The following SLA2 variants were observed in gnomAD, a reference collection of about 807,000 sequenced individuals.
SLA2 encodes the protein Src like adaptor 2.
In SLA2, 22 loss-of-function variants were observed where a neutral mutation model predicts 27.3. The observed-to-expected ratio is 0.81, with a 90% CI of 0.58 to 1.15. SLA2 has a LOEUF of 1.15. Ranked by LOEUF, SLA2 falls within the 50% of genes most tolerant of loss-of-function variation. The probability of loss-of-function intolerance (pLI) is 0.00; values close to 1 mark genes in which losing one functional copy is unlikely to be tolerated. For missense variants in SLA2, 304 were observed against 322.2 expected, an observed-to-expected ratio of 0.94 and a Z score of 0.43; for synonymous variants, 131 against 137.8, an observed-to-expected ratio of 0.95 and a Z score of 0.34.
At chr20:36,616,336 T>C (rs1199665140) in intron 5 of SLA2, among the ~76,000 whole-genome samples, 1 of 149,128 alleles carries the variant, frequency 6.7e-6, no homozygotes, top group African/African-American at 2.5e-5. Context: ...AATTTTCTTT[T>C]TTTTTTTTTT....
intron 1 of SLA2, among the ~76,000 whole-genome samples, 171 bp downstream of exon 1, chr20:36,645,665 TG>T (rs1568612859): frequency 6.6e-6 from 1 of 152,174 alleles, no homozygotes; most frequent in African/African-American, 2.4e-5. Context: ...TTGGTTCTTC[TG>T]GGACCCCCAG....
rs1004169262 is a variant in SLA2, at chr20:36,641,149, C to T, written c.91+96G>A. The T allele has an allele frequency of 5.8e-6, 6 of 1,031,322 alleles. No homozygotes were observed. In the African/African-American group the frequency reaches 7.9e-5, roughly 14 times the overall value. The allele number at this position is 1,031,322 out of a possible 1,614,324, so 63.9% of individuals were successfully genotyped here. A position where few individuals can be genotyped will look rare whatever the true frequency, so the allele number is the denominator to read the frequency against. On this transcript the variant is annotated intron_variant, in intron 2 of 7. Transcript: ENST00000262866. ...TGCAGCAGGCCCTCAGCGGTGCTTA[C>T]ACTGTGTTGGAGCTGCTGGCCAGGA... is the stretch of plus-strand genomic sequence containing the variant.
intron 5 of SLA2, among the ~76,000 whole-genome samples, chr20:36,619,610 TC>T (rs1431449475): frequency 6.6e-6 from 1 of 151,218 alleles, no homozygotes; most frequent in Non-Finnish European, 1.5e-5. Context: ...GAGACCCCCT[TC>T]CCATGTCTGT....
chr20:36,615,920 T>C (rs1188399003), intron 5 of SLA2, among the ~76,000 whole-genome samples: 1 of 152,164 alleles, frequency 6.6e-6, no homozygotes, highest in African/African-American at 2.4e-5. Context: ...CCGTTTGTGC[T>C]CAAGAGTAGA....
intron 5 of SLA2, among the ~76,000 whole-genome samples, chr20:36,629,065 A>ATTT (rs768278326): frequency 2.2e-5 from 3 of 137,820 alleles, no homozygotes; most frequent in East Asian, 2.1e-4. Context: ...AATTATGAGG[A>ATTT]TTTTTTTTTT....
chr20:36,637,944 A>C lies in SLA2; in HGVS notation c.91+3301T>G, dbSNP rs1422241139. 3.0e-5 allele frequency among the ~76,000 whole-genome samples: 4 copies of C among 135,022 alleles called. No homozygotes were observed. In the East Asian group the frequency reaches 8.6e-4, roughly 29 times the overall value. The allele number at this position is 135,022 out of a possible 152,430, so 88.6% of individuals were successfully genotyped here. On this transcript the variant is annotated intron_variant, in intron 2 of 7. Transcript: ENST00000262866. ...CACACTGTCGCCCGGGCTGGACTGC[A>C]ATGGCATGATCTTGGCTCACTGCAA...
Position 36,634,508 on chromosome 20 carries a change from G to A in SLA2, c.173C>T (p.Pro58Leu), listed in dbSNP as rs1456290863. 1.9e-6 allele frequency: 3 copies of A among 1,610,472 alleles called. No individual in the cohort carries two copies. Among genetic ancestry groups the A allele is most frequent in the East Asian group, 4.5e-5 (2 of 44,738 alleles). The change falls in exon 3 of 8, where the codon CCA (proline) becomes CTA (leucine). Residue 58 changes from proline to leucine, a missense_variant. Pro to Leu is a moderately conservative substitution (Grantham distance 98). Coordinates refer to ENST00000262866, the MANE Select transcript of SLA2 (RefSeq NM_032214.4). Reference protein sequence around the residue: ...PAELSLRLGEPLTIVSEDGDW... With the variant: ...PAELSLRLGELLTIVSEDGDW... ...GACTTACTCAGAGACGATGGTCAAT[G>A]GCTCCCCGAGTCTCAGCGACAGCTC...
intron 2 of SLA2, among the ~76,000 whole-genome samples, chr20:36,636,214 G>A (rs1396215758): frequency 2.1e-5 from 3 of 145,922 alleles, no homozygotes; most frequent in East Asian, 2.0e-4. Flanking sequence ...TCAGGAGATC[G>A]AGACCATCCT....
chr20:36,635,425 C>A (rs2039434579), intron 2 of SLA2, among the ~76,000 whole-genome samples: 2 of 150,648 alleles, frequency 1.3e-5, no homozygotes, highest in South Asian at 4.2e-4. Context: ...TCAGATGGAG[C>A]TGGGACCCCA....
chr20:36,614,718 G>A (rs965841111), intron 6 of SLA2: 11 of 985,320 alleles, frequency 1.1e-5, no homozygotes, highest in African/African-American at 1.7e-5. Context: ...AGAAAGCTAA[G>A]GAATGCTCAG....
chr20:36,634,615 C>A (rs773406950), intron 2 of SLA2, 26 bp from the exon 3 acceptor site: 3 of 1,491,018 alleles, frequency 2.0e-6, no homozygotes, highest in Admixed American at 1.8e-5. Flanking sequence ...GAAATAGTCA[C>A]CTACTTAGCT....
chr20:36,614,520 G>A, intron 6 of SLA2, 83 bp from the exon 7 acceptor site: 1 of 1,510,988 alleles, frequency 6.6e-7, no homozygotes, highest in Non-Finnish European at 8.8e-7. Flanking sequence ...GCCCTCTGCA[G>A]TTGGCAGGAG....
intron 5 of SLA2, among the ~76,000 whole-genome samples, chr20:36,617,818 T>C (rs1233741563): frequency 1.4e-5 from 2 of 143,876 alleles, no homozygotes; most frequent in African/African-American, 2.6e-5. Flanking sequence ...GATCAGCCAC[T>C]GCACTACAGC....
rs2039174126 is a variant in SLA2 at position 36,614,006 on chromosome 20, A to G, written c.666-20T>C. The G allele has an allele frequency of 6.2e-7, 1 of 1,612,300 alleles. No individual in the cohort carries two copies. Among genetic ancestry groups the G allele is most frequent in the Admixed American group, 1.7e-5 (1 of 59,572 alleles). On this transcript the variant is annotated intron_variant, in intron 7 of 7. Coordinates refer to ENST00000262866, the MANE Select transcript of SLA2 (RefSeq NM_032214.4). ...AGGGAGCTGTGGACAAAGGAAGATAATTGGGTCAAGAAGCCTCTTCCTCCT... is the reference window on the plus strand; with the variant it reads ...AGGGAGCTGTGGACAAAGGAAGATAGTTGGGTCAAGAAGCCTCTTCCTCCT...
In SLA2 at chr20:36,633,647, T is replaced by TG. The variant is rs774345213; in HGVS notation, c.192-19dup. The TG allele has an allele frequency of 1.0e-5, 16 of 1,604,880 alleles. No individual in the cohort carries two copies. The highest frequency in any genetic ancestry group is 1.2e-5 in the Non-Finnish European group (14 of 1,172,344). On this transcript the variant is annotated intron_variant, in intron 3 of 7. Coordinates refer to ENST00000262866, the MANE Select transcript of SLA2 (RefSeq NM_032214.4). Reference sequence around the variant, plus strand: ...CTCCATCCCTGGAGAGAGAAAGGAGTGGGGGCACCTCTTTCAGATGAGCCA... The same window carrying TG: ...CTCCATCCCTGGAGAGAGAAAGGAGTGGGGGGCACCTCTTTCAGATGAGCCA...
intron 5 of SLA2, 39 bp downstream of exon 5, chr20:36,632,556 C>G: frequency 6.5e-7 from 1 of 1,528,066 alleles, no homozygotes; most frequent in Non-Finnish European, 9.1e-7. Context: ...CTGAGACCTC[C>G]ACGTAGGGAG....
At chr20:36,633,957 C>G (rs1457915049) in intron 3 of SLA2, among the ~76,000 whole-genome samples, 1 of 151,250 alleles carries the variant, frequency 6.6e-6, no homozygotes, top group African/African-American at 2.4e-5. Context: ...GGGGGAAGGG[C>G]CCCTTCTCCC....
At chr20:36,635,825 A>G (rs977873621) in intron 2 of SLA2, among the ~76,000 whole-genome samples, 1 of 152,140 alleles carries the variant, frequency 6.6e-6, no homozygotes, top group Admixed American at 6.5e-5. Context: ...ACCCAGCTGC[A>G]TACACTACAC....
In SLA2 at chr20:36,634,587, T is replaced by G. The variant is rs750256969; in HGVS notation, c.94A>C (p.Arg32=). Residue 32 remains arginine, a splice_region_variant and synonymous_variant, in exon 3 of 8, where the codon AGA becomes CGA. Coordinates refer to ENST00000262866, the MANE Select transcript of SLA2 (RefSeq NM_032214.4). ...GQGPVTMEAE[R]SKATAVALGS... ...AGGGCCACGGCTGTGGCCTTGCTTC[T>G]CTCTAGATGGAGGGACAGAAATAGT... The G allele has an allele frequency of 1.3e-6, 2 of 1,597,030 alleles. No homozygotes were observed. Among genetic ancestry groups the G allele is most frequent in the African/African-American group, 1.3e-5 (1 of 74,454 alleles).
Sources: allele counts gnomAD v4.1 joint callset (sites outside exome capture counted in the v4.1 genomes callset), GRCh38; gene constraint gnomAD v4.1.1; transcripts MANE v1.5; gene names NCBI Gene and HGNC (gene_info 2026-07-23, HGNC 2026-07-21).